The following SCNN1B variants were observed in gnomAD, a reference collection of about 807,000 sequenced individuals.
The protein encoded by SCNN1B is sodium channel epithelial 1 subunit beta.
In SCNN1B, 46 loss-of-function variants were observed where a neutral mutation model predicts 65.3. The observed-to-expected ratio is 0.70, with a 90% CI of 0.56 to 0.90. SCNN1B has a LOEUF of 0.90. Ranked by LOEUF, SCNN1B falls within the 40% of genes least tolerant of loss-of-function variation. SCNN1B has a pLI of 0.00. For synonymous variants in SCNN1B, 349 were observed against 330.6 expected (o/e 1.06, Z -0.60); for missense variants, 751 against 830.5 (o/e 0.90, Z 1.18).
At chr16:23,315,174 C>T (rs1439322885) in intron 1 of SCNN1B, among the ~76,000 whole-genome samples, 1 of 152,030 alleles carries the variant, frequency 6.6e-6, no homozygotes, top group African/African-American at 2.4e-5. Context: ...CCCGTTTCTA[C>T]TAAAAATGTA....
intron 1 of SCNN1B, among the ~76,000 whole-genome samples, chr16:23,278,742 G>C (rs985637457): frequency 4.6e-5 from 7 of 151,860 alleles, no homozygotes; most frequent in African/African-American, 1.7e-4. Context: ...ATCAGCCTGG[G>C]CAACATAGTG....
rs1019219091 is a variant in SCNN1B, at chr16:23,378,756, C to A, written c.1455C>A (p.Ile485=). 4 of 1,614,006 alleles carry A rather than the reference C, an allele frequency of 2.5e-6. No individual in the cohort carries two copies. The highest frequency in any genetic ancestry group is 3.4e-6 in the Non-Finnish European group (4 of 1,180,002). Residue 485 remains isoleucine, a synonymous_variant, in exon 11 of 13, where the codon ATC becomes ATA. Transcript: ENST00000343070. ...AGGAGCGGGACCAAAGCACCAATAT[C>A]ACCCTGAGCAGGTGAGCCTGAGCCT... ...LSQERDQSTN[I]TLSRKGIVKL...
intron 1 of SCNN1B, among the ~76,000 whole-genome samples, chr16:23,314,060 C>T (rs1434393770): frequency 6.6e-6 from 1 of 151,914 alleles, no homozygotes; most frequent in East Asian, 1.9e-4. Context: ...CACTCTGTTG[C>T]CCAGGCTGGA....
intron 2 of SCNN1B, among the ~76,000 whole-genome samples, chr16:23,293,837 T>G (rs1960960126): frequency 6.6e-6 from 1 of 151,852 alleles, no homozygotes; most frequent in African/African-American, 2.4e-5. Context: ...GGGAGGAGGA[T>G]CTCTTGAGCC....
chr16:23,352,633 G>A (rs1023695625), intron 2 of SCNN1B, among the ~76,000 whole-genome samples, 168 bp from the exon 3 acceptor site: 3 of 152,166 alleles, frequency 2.0e-5, no homozygotes, highest in African/African-American at 7.2e-5. Context: ...CTCCAGCCAT[G>A]TAGAACTGTG....
intron 7 of SCNN1B, among the ~76,000 whole-genome samples, chr16:23,372,659 A>G (rs930894829): frequency 1.3e-4 from 19 of 151,520 alleles, no homozygotes; most frequent in Admixed American, 6.6e-5. Flanking sequence ...ACACCGGCTA[A>G]TTTTTTTGTA....
chr16:23,297,867 T>C (rs1356363016), upstream of SCNN1B, among the ~76,000 whole-genome samples: 1 of 152,138 alleles, frequency 6.6e-6, no homozygotes, highest in Non-Finnish European at 1.5e-5. Flanking sequence ...CTAAACTAAG[T>C]GCAGTTACCT....
At chr16:23,369,323 A>G (rs1378035777) in intron 5 of SCNN1B, among the ~76,000 whole-genome samples, 1 of 152,116 alleles carries the variant, frequency 6.6e-6, no homozygotes, top group African/African-American at 2.4e-5. Flanking sequence ...GGCTCAAGCA[A>G]TCTGCCCTCC....
chr16:23,305,461 A>G (rs774488010), intron 1 of SCNN1B, among the ~76,000 whole-genome samples: 37 of 143,032 alleles, frequency 2.6e-4, no homozygotes, highest in Non-Finnish European at 4.7e-4. Context: ...GAGACCAGCG[A>G]GTTGCTTGAG....
chr16:23,331,902 G>T (rs556894955), intron 1 of SCNN1B, among the ~76,000 whole-genome samples: 8 of 152,270 alleles, frequency 5.3e-5, no homozygotes, highest in Admixed American at 2.6e-4. Context: ...TGTGAGCTAA[G>T]GACAGGGCAT....
upstream of SCNN1B, among the ~76,000 whole-genome samples, chr16:23,301,806 T>G (rs36047594): frequency 4.1e-4 from 63 of 151,838 alleles, no homozygotes; most frequent in Non-Finnish European, 6.5e-4. Context: ...TTGGTGGAGG[T>G]GGAAGAGGCG....
chr16:23,316,931 A>G (rs1961484484), intron 1 of SCNN1B, among the ~76,000 whole-genome samples: 2 of 152,130 alleles, frequency 1.3e-5, no homozygotes, highest in African/African-American at 4.8e-5. Flanking sequence ...CACCATCACC[A>G]TTCTCACCAT....
chr16:23,347,855 G>A, intron 1 of SCNN1B, among the ~76,000 whole-genome samples: 1 of 152,242 alleles, frequency 6.6e-6, no homozygotes, highest in Non-Finnish European at 1.5e-5. Flanking sequence ...ATTGCAGTGA[G>A]CCATGACTGC....
At chr16:23,309,682 A>C (rs1030185194) in intron 1 of SCNN1B, among the ~76,000 whole-genome samples, 1 of 152,324 alleles carries the variant, frequency 6.6e-6, no homozygotes, top group African/African-American at 2.4e-5. Context: ...CTGCATTGGC[A>C]GCTGATTAGC....
Position 23,371,470 on chromosome 16 carries a change from C to T in SCNN1B, c.1044+8C>T, listed in dbSNP as rs374962526. The T allele has an allele frequency of 1.7e-5, 27 of 1,613,160 alleles. No individual in the cohort carries two copies. The African/African-American group carries it at 2.1e-4, about 13-fold the overall frequency. Reference sequence around the variant, plus strand: ...TCCATCGGGGTACTCGTGGTATGGCCGGAGCCCAAGGGCAGTCCTAGAGGG... The same window carrying T: ...TCCATCGGGGTACTCGTGGTATGGCTGGAGCCCAAGGGCAGTCCTAGAGGG... On this transcript the variant is annotated splice_region_variant and intron_variant, in intron 6 of 12. Transcript: ENST00000343070.
At chr16:23,336,663 C>A (rs1161993152) in intron 1 of SCNN1B, among the ~76,000 whole-genome samples, 5 of 152,162 alleles carry the variant, frequency 3.3e-5, no homozygotes, top group African/African-American at 9.6e-5. Flanking sequence ...AGCCACCAAG[C>A]CTGGCCAAGA....
At chr16:23,362,540 C>T (rs1889210150) in intron 4 of SCNN1B, among the ~76,000 whole-genome samples, 1 of 152,158 alleles carries the variant, frequency 6.6e-6, no homozygotes, top group African/African-American at 2.4e-5. Flanking sequence ...TTTCTGGAGG[C>T]TCACTGGTCT....
chr16:23,333,635 C>T (rs768286631), intron 1 of SCNN1B, among the ~76,000 whole-genome samples: 2 of 152,172 alleles, frequency 1.3e-5, no homozygotes, highest in Non-Finnish European at 2.9e-5. Context: ...TGACAACAAC[C>T]TAGAAGGCAC....
chr16:23,331,220 T>C (rs918151627), intron 1 of SCNN1B, among the ~76,000 whole-genome samples: 2 of 152,118 alleles, frequency 1.3e-5, no homozygotes, highest in Non-Finnish European at 2.9e-5. Context: ...TTCTCAGCGC[T>C]CCTGGGTGGT....
Sources: gnomAD v4.1 joint callset for allele counts (sites outside exome capture counted in the v4.1 genomes callset) on GRCh38, gnomAD v4.1.1 for gene constraint, MANE v1.5 for transcripts, NCBI Gene and HGNC (gene_info 2026-07-23, HGNC 2026-07-21) for gene names.